MINDY2: variants seen among roughly 807,000 people sequenced by gnomAD.
The protein encoded by MINDY2 is ubiquitin carboxyl-terminal hydrolase MINDY-2.
In MINDY2, 52 loss-of-function variants were observed where a neutral mutation model predicts 68.2. The ratio of observed to expected loss-of-function variants is 0.76; its 90% CI spans 0.61 to 0.96. The LOEUF is 0.96. Among genes scored for constraint, MINDY2 ranks in the 40% least tolerant of loss-of-function variants. The pLI, the probability that MINDY2 is intolerant of heterozygous loss-of-function variation, is 0.00. For missense variants in MINDY2, 881 were observed against 773.4 expected (o/e 1.14, Z -1.65); for synonymous variants, 372 against 303.0 (o/e 1.23, Z -2.36).
At chr15:58,791,138 C>G (rs1901861748) in intron 2 of MINDY2, among the ~76,000 whole-genome samples, 1 of 142,814 alleles carries the variant, frequency 7.0e-6, no homozygotes. Context: ...CGAGATCACG[C>G]CACTGCACTC....
intron 2 of MINDY2, among the ~76,000 whole-genome samples, chr15:58,788,978 C>T (rs2140921675): frequency 6.6e-6 from 1 of 152,252 alleles, no homozygotes; most frequent in East Asian, 1.9e-4. Flanking sequence ...TGCCACTGCA[C>T]TCCAGCCTGG....
At chr15:58,774,492 G>GAAAAAAAAAAAAAA (rs11385535) in intron 1 of MINDY2, among the ~76,000 whole-genome samples, 1 of 92,826 alleles carries the variant, frequency 1.1e-5, no homozygotes. Flanking sequence ...CCCAAAAAAA[G>GAAAAAAAAAAAAAA]AAAAAAAAAA....
At chr15:58,835,901 T>C (rs1421208906) in intron 6 of MINDY2, among the ~76,000 whole-genome samples, 1 of 151,786 alleles carries the variant, frequency 6.6e-6, no homozygotes, top group African/African-American at 2.4e-5. Context: ...TCTTGGGTTT[T>C]TTGTTTTGTT....
chr15:58,832,615 C>T (rs1406945623), intron 6 of MINDY2, among the ~76,000 whole-genome samples: 5 of 151,672 alleles, frequency 3.3e-5, no homozygotes, highest in African/African-American at 7.3e-5. Context: ...CCGCAACCTC[C>T]GCCTCAGGTT....
chr15:58,848,816 C>T (rs1389333095), intron 7 of MINDY2, among the ~76,000 whole-genome samples: 3 of 152,182 alleles, frequency 2.0e-5, no homozygotes, highest in African/African-American at 7.2e-5. Flanking sequence ...AAAAACAGTT[C>T]TGAAAGTCGT....
chr15:58,802,985 A>T (rs1178846681), intron 3 of MINDY2, among the ~76,000 whole-genome samples: 6 of 152,234 alleles, frequency 3.9e-5, no homozygotes, highest in Admixed American at 3.9e-4. Flanking sequence ...TTGGCTTCTT[A>T]GAGTGGAAGG....
At chr15:58,781,326 A>T (rs1358582294) in intron 1 of MINDY2, among the ~76,000 whole-genome samples, 1 of 152,036 alleles carries the variant, frequency 6.6e-6, no homozygotes, top group African/African-American at 2.4e-5. Flanking sequence ...TGCTGGGATT[A>T]CAGGCATGAG....
At position 58,841,624 on chromosome 15, in the gene MINDY2, C is replaced by T. The variant is rs529712139; in HGVS notation, c.1369-5673C>T. Among the ~76,000 whole-genome samples, 16 of 151,082 alleles carry T rather than the reference C, an allele frequency of 1.1e-4. No individual in the cohort carries two copies. The South Asian group carries it at 1.9e-3, about 18-fold the overall frequency. ...TTCACCATGTTCGTCAGGCTGGTCT[C>T]GAACTCCTGACCTCAGGTGATCCAC... On this transcript the variant is annotated intron_variant, in intron 6 of 8. Transcript: ENST00000559228.
At chr15:58,777,340 A>G (rs75288886) in intron 1 of MINDY2, among the ~76,000 whole-genome samples, 356 of 152,348 alleles carry the variant, frequency 2.3e-3, no homozygotes, top group African/African-American at 8.2e-3. Context: ...AATAGACTGA[A>G]CAAACCGGGA....
Position 58,782,911 on chromosome 15 carries a change from G to GTTTTTTTT in MINDY2, c.841-4976_841-4969dup, listed in dbSNP as rs1157376592. ...TCAATATATTTAATTTTTTCTCTCT[G>GTTTTTTTT]TTTTTTTTTTTTTTTTTTTTTTTTT... On this transcript the variant is annotated intron_variant, in intron 1 of 8. Coordinates refer to ENST00000559228, the MANE Select transcript of MINDY2 (RefSeq NM_001040450.3). Among the ~76,000 whole-genome samples the GTTTTTTTT allele has an allele frequency of 2.4e-3, 154 of 64,496 alleles. 29 individuals carry two copies. The highest frequency in any genetic ancestry group is 0.011 in the East Asian group (13 of 1,234). 42.3% of individuals were successfully genotyped at this position (64,496 alleles called of 152,430 possible).
chr15:58,843,252 C>T (rs767630007), intron 6 of MINDY2, among the ~76,000 whole-genome samples: 6 of 152,100 alleles, frequency 3.9e-5, no homozygotes, highest in Non-Finnish European at 5.9e-5. Context: ...TGGGTTCAAG[C>T]GATTCTTCTG....
chr15:58,794,068 G>C (rs1830166719), intron 2 of MINDY2, among the ~76,000 whole-genome samples: 1 of 152,044 alleles, frequency 6.6e-6, no homozygotes, highest in African/African-American at 2.4e-5. Flanking sequence ...AAGAATCTAG[G>C]GTATGTTGCT....
chr15:58,775,884 A>G (rs1339953201), intron 1 of MINDY2, among the ~76,000 whole-genome samples: 1 of 147,572 alleles, frequency 6.8e-6, no homozygotes, highest in African/African-American at 2.5e-5. Flanking sequence ...TTTTTGAGAC[A>G]GAGTCTCACT....
At chr15:58,832,626 C>G (rs1325634486) in intron 6 of MINDY2, among the ~76,000 whole-genome samples, 1 of 151,742 alleles carries the variant, frequency 6.6e-6, no homozygotes, top group Non-Finnish European at 1.5e-5. Flanking sequence ...GCCTCAGGTT[C>G]AAGCAATTCT....
chr15:58,772,218 T>G lies in MINDY2; in HGVS notation c.823T>G (p.Leu275Val). Residue 275 changes from leucine to valine, a missense_variant, in exon 1 of 9, where the codon TTG (leucine) becomes GTG (valine). Coordinates refer to ENST00000559228, the MANE Select transcript of MINDY2 (RefSeq NM_001040450.3). ...CCCCTTGCTGGCCATCCTCAATGTT[T>G]TGCTCCTGGCCTGGAAGGTACATTC... ...PCPLLAILNV[L>V]LLAWKVKLPP... 6.2e-7 allele frequency: 1 copy of G among 1,612,026 alleles called. No homozygotes were observed. Among genetic ancestry groups the G allele is most frequent in the Non-Finnish European group, 8.5e-7 (1 of 1,180,006 alleles).
chr15:58,789,683 T>C (rs1054483525), intron 2 of MINDY2, among the ~76,000 whole-genome samples: 1 of 152,036 alleles, frequency 6.6e-6, no homozygotes, highest in Non-Finnish European at 1.5e-5. Context: ...GTTTCACTCT[T>C]GTTTCTCAGG....
In MINDY2 at chr15:58,852,051, C is replaced by A. The variant is rs1162813012; in HGVS notation, c.1737+86C>A. 25 of 1,042,658 alleles carry A rather than the reference C, an allele frequency of 2.4e-5. No individual in the cohort carries two copies. The African/African-American group carries it at 4.0e-4, about 17-fold the overall frequency. 64.6% of individuals were successfully genotyped at this position (1,042,658 alleles called of 1,614,324 possible). ...CCTGTATTCCCAGCCCTTTGGGAGG[C>A]TGAGGCAGGCAGATTGCTTGAGCCC... On this transcript the variant is annotated intron_variant, in intron 8 of 8. Transcript: ENST00000559228.
chr15:58,810,427 G>A lies in MINDY2; in HGVS notation c.1122+39G>A, dbSNP rs199883149. On this transcript the variant is annotated intron_variant, in intron 4 of 8. Transcript: ENST00000559228. The stretch of plus-strand genomic sequence containing the variant: ...TTTAAATTATGTAAACACAAATACA[G>A]GAAAAATGTATTAATTTGGCAAATT... 4.6e-4 allele frequency: 674 copies of A among 1,460,438 alleles called. 4 individuals carry two copies. In the Middle Eastern group the frequency reaches 0.014, roughly 31 times the overall value. The allele number at this position is 1,460,438 out of a possible 1,614,324, so 90.5% of individuals were successfully genotyped here. A position where few individuals can be genotyped will look rare whatever the true frequency, so the allele number is the denominator to read the frequency against.
rs1368657757 is a variant in MINDY2, at chr15:58,854,638, T to C, written c.*28T>C. ...AGTGTTGGCTTCTGTTGGAACCACCTATATGTCTTGAGAAACAAAACCACA... is the reference window on the plus strand; with the variant it reads ...AGTGTTGGCTTCTGTTGGAACCACCCATATGTCTTGAGAAACAAAACCACA... On this transcript the variant is annotated 3_prime_UTR_variant, in exon 9 of 9. Transcript: ENST00000559228. 6.3e-7 allele frequency: 1 copy of C among 1,587,690 alleles called. No homozygotes were observed. Among genetic ancestry groups the C allele is most frequent in the African/African-American group, 1.4e-5 (1 of 73,960 alleles).
Sources: gnomAD v4.1 joint callset for allele counts (sites outside exome capture counted in the v4.1 genomes callset) on GRCh38, gnomAD v4.1.1 for gene constraint, MANE v1.5 for transcripts, NCBI Gene and HGNC (gene_info 2026-07-23, HGNC 2026-07-21) for gene names.